TTC29: variants seen among roughly 807,000 people sequenced by gnomAD.
The protein encoded by TTC29 is tetratricopeptide repeat protein 29.
In TTC29, 49 loss-of-function variants were observed where a neutral mutation model predicts 58.1. That is an observed-to-expected ratio of 0.84 (90% CI 0.67 to 1.07). TTC29 has a LOEUF of 1.07. Among genes scored for constraint, TTC29 ranks in the 50% least tolerant of loss-of-function variants. TTC29 has a pLI of 0.00. For synonymous variants in TTC29, 209 were observed against 196.8 expected, an observed-to-expected ratio of 1.06 and a Z score of -0.52; for missense variants, 582 against 555.6, an observed-to-expected ratio of 1.05 and a Z score of -0.48.
At chr4:146,856,794 T>C (rs560306800) in intron 8 of TTC29, among the ~76,000 whole-genome samples, 1 of 151,352 alleles carries the variant, frequency 6.6e-6, no homozygotes, top group Non-Finnish European at 1.5e-5. Context: ...TGAAAAAAAA[T>C]TCAATTTACT....
chr4:146,766,491 G>A (rs1277933528), intron 11 of TTC29, among the ~76,000 whole-genome samples: 1 of 152,002 alleles, frequency 6.6e-6, no homozygotes, highest in South Asian at 2.1e-4. Context: ...GGGATAGGTA[G>A]GGTTAAATAT....
At chr4:146,732,041 G>C (rs755613774) in intron 11 of TTC29, among the ~76,000 whole-genome samples, 1 of 152,112 alleles carries the variant, frequency 6.6e-6, no homozygotes, top group Non-Finnish European at 1.5e-5. Context: ...GAAGTAACAA[G>C]TTTTGGAAAC....
intron 4 of TTC29, among the ~76,000 whole-genome samples, chr4:146,935,686 T>C (rs944432554): frequency 1.3e-5 from 2 of 152,314 alleles, no homozygotes; most frequent in Non-Finnish European, 2.9e-5. Context: ...TTGTCTCAAA[T>C]AGATGTTAAG....
intron 11 of TTC29, among the ~76,000 whole-genome samples, chr4:146,784,102 A>T (rs1346834753): frequency 6.6e-6 from 1 of 151,048 alleles, no homozygotes; most frequent in Non-Finnish European, 1.5e-5. Flanking sequence ...TACTATATTT[A>T]CTATGTTTAT....
chr4:146,904,511 T>C (rs1733391789), intron 5 of TTC29, among the ~76,000 whole-genome samples: 1 of 152,180 alleles, frequency 6.6e-6, no homozygotes, highest in African/African-American at 2.4e-5. Flanking sequence ...AACCCCACTG[T>C]GATAGTAAAC....
intron 8 of TTC29, among the ~76,000 whole-genome samples, chr4:146,866,331 G>C (rs1343076423): frequency 6.6e-6 from 1 of 152,124 alleles, no homozygotes; most frequent in African/African-American, 2.4e-5. Context: ...TCCATGTTGA[G>C]TGTGTACGCA....
At chr4:146,870,003 T>G (rs1397952549) in intron 7 of TTC29, among the ~76,000 whole-genome samples, 2 of 151,808 alleles carry the variant, frequency 1.3e-5, no homozygotes, top group Non-Finnish European at 2.9e-5. Context: ...AGAGAGAAAA[T>G]AAATAATAAA....
chr4:146,926,642 T>C (rs1734953842), intron 4 of TTC29, among the ~76,000 whole-genome samples: 2 of 152,034 alleles, frequency 1.3e-5, no homozygotes, highest in Non-Finnish European at 1.5e-5. Flanking sequence ...TTTACATTTT[T>C]AGTAGAGACA....
chr4:146,833,095 C>A (rs986634103), intron 9 of TTC29, among the ~76,000 whole-genome samples: 10 of 152,102 alleles, frequency 6.6e-5, no homozygotes, highest in Non-Finnish European at 1.5e-5. Context: ...CTGCAACCAA[C>A]ATTACTATTA....
At chr4:146,942,122 T>A (rs1736462504) in intron 2 of TTC29, among the ~76,000 whole-genome samples, 2 of 152,196 alleles carry the variant, frequency 1.3e-5, no homozygotes, top group Non-Finnish European at 2.9e-5. Flanking sequence ...TAAAGAGAAT[T>A]CTAATGGAGA....
chr4:146,930,354 A>AATG (rs1274566624), intron 4 of TTC29, among the ~76,000 whole-genome samples: 1 of 151,968 alleles, frequency 6.6e-6, no homozygotes, highest in Non-Finnish European at 1.5e-5. Flanking sequence ...AATAAAAGAG[A>AATG]ATGATAATGC....
At chr4:146,799,082 TA>T (rs1185095697) in intron 11 of TTC29, among the ~76,000 whole-genome samples, 1 of 152,094 alleles carries the variant, frequency 6.6e-6, no homozygotes, top group African/African-American at 2.4e-5. Context: ...AATATGATGT[TA>T]GAGCTCAGAT....
At chr4:146,781,084 A>C (rs574538071) in intron 11 of TTC29, among the ~76,000 whole-genome samples, 1 of 152,188 alleles carries the variant, frequency 6.6e-6, no homozygotes, top group South Asian at 2.1e-4. Flanking sequence ...GTAATGGAAA[A>C]GAAAATGGCA....
intron 6 of TTC29, among the ~76,000 whole-genome samples, chr4:146,895,956 A>T (rs1732739065): frequency 1.3e-5 from 2 of 152,154 alleles, no homozygotes; most frequent in African/African-American, 4.8e-5. Context: ...TAAGATAGAG[A>T]AGTAATCAAC....
At chr4:146,878,423 T>C (rs1162719863) in intron 6 of TTC29, among the ~76,000 whole-genome samples, 1 of 152,190 alleles carries the variant, frequency 6.6e-6, no homozygotes, top group Non-Finnish European at 1.5e-5. Context: ...CCCCTACACA[T>C]TAACTTAATG....
At chr4:146,870,309 A>G (rs535753111) in intron 7 of TTC29, among the ~76,000 whole-genome samples, 14 of 152,242 alleles carry the variant, frequency 9.2e-5, no homozygotes, top group Non-Finnish European at 1.5e-4. Context: ...TCTGAGATGG[A>G]TGAAAATGAA....
chr4:146,872,276 G>C (rs180689927), intron 7 of TTC29, among the ~76,000 whole-genome samples: 175 of 152,044 alleles, frequency 1.2e-3, no homozygotes, highest in African/African-American at 4.0e-3. Flanking sequence ...ATTAAATATA[G>C]TTAAAACTAA....
chr4:146,919,674 T>C (rs1457684442), intron 4 of TTC29, among the ~76,000 whole-genome samples: 1 of 151,222 alleles, frequency 6.6e-6, no homozygotes, highest in East Asian at 1.9e-4. Flanking sequence ...AACATAATTC[T>C]ATGATACCCT....
intron 4 of TTC29, among the ~76,000 whole-genome samples, chr4:146,929,527 C>T (rs1337011454): frequency 6.6e-6 from 1 of 152,136 alleles, no homozygotes; most frequent in African/African-American, 2.4e-5. Context: ...AATAAGAAAA[C>T]CTAATTTTAT....
Sources: allele counts gnomAD v4.1 joint callset (sites outside exome capture counted in the v4.1 genomes callset), GRCh38; gene constraint gnomAD v4.1.1; transcripts MANE v1.5; gene names NCBI Gene and HGNC (gene_info 2026-07-23, HGNC 2026-07-21).